The following ESRRB variants were observed in gnomAD, a reference collection of about 807,000 sequenced individuals.
The protein encoded by ESRRB is estrogen related receptor beta, also known as steroid hormone receptor ERR2.
Under a neutral mutation model 46.0 loss-of-function variants are expected in ESRRB, and 16 were observed. The observed-to-expected ratio is 0.35, with a 90% CI of 0.24 to 0.53. The LOEUF is 0.53. Among genes scored for constraint, ESRRB ranks in the 20% least tolerant of loss-of-function variants. The pLI is 0.93. For missense variants in ESRRB, 488 were observed against 607.4 expected, an observed-to-expected ratio of 0.80 and a Z score of 2.07; for synonymous variants, 246 against 259.6, an observed-to-expected ratio of 0.95 and a Z score of 0.50.
At chr14:76,437,905 T>C (rs1294792259) in intron 1 of ESRRB, among the ~76,000 whole-genome samples, 1 of 152,128 alleles carries the variant, frequency 6.6e-6, no homozygotes, top group Admixed American at 6.5e-5. Flanking sequence ...AGGGGCTTGG[T>C]TTACAGGAAA....
At chr14:76,395,888 C>T (rs1885657511) in intron 1 of ESRRB, among the ~76,000 whole-genome samples, 2 of 151,784 alleles carry the variant, frequency 1.3e-5, no homozygotes, top group African/African-American at 2.4e-5. Context: ...TAAAAAGAGG[C>T]CTTCAGCCGG....
At chr14:76,370,165 A>G (rs1446683322), upstream of ESRRB, among the ~76,000 whole-genome samples, 1 of 151,482 alleles carries the variant, frequency 6.6e-6, no homozygotes, top group Non-Finnish European at 1.5e-5. Context: ...CTAAGGATGG[A>G]TTACCTGAGG....
At chr14:76,395,430 A>T (rs922240208) in intron 1 of ESRRB, among the ~76,000 whole-genome samples, 4 of 152,130 alleles carry the variant, frequency 2.6e-5, no homozygotes, top group African/African-American at 9.7e-5. Context: ...GGCCCACACT[A>T]GAAGAACATA....
intron 1 of ESRRB, among the ~76,000 whole-genome samples, chr14:76,404,193 C>T (rs748364542): frequency 6.1e-4 from 93 of 151,762 alleles, no homozygotes; most frequent in Non-Finnish European, 9.3e-4. Context: ...TGTGTGTGTG[C>T]GCGCGTGCGT....
At chr14:76,412,899 T>A (rs987476583) in intron 1 of ESRRB, among the ~76,000 whole-genome samples, 3 of 152,160 alleles carry the variant, frequency 2.0e-5, no homozygotes, top group Admixed American at 1.3e-4. Flanking sequence ...GAGGATCACT[T>A]GAACCCAGGA....
At chr14:76,390,815 C>A (rs1885438495) in intron 1 of ESRRB, among the ~76,000 whole-genome samples, 1 of 152,050 alleles carries the variant, frequency 6.6e-6, no homozygotes, top group African/African-American at 2.4e-5. Flanking sequence ...AGCCTCCAGG[C>A]CATGAGAGGA....
chr14:76,310,994 CT>C, intron 1 of ESRRB: 1 of 425,768 alleles, frequency 2.3e-6, no homozygotes, highest in South Asian at 1.7e-5. Flanking sequence ...CTCTCTCTCT[CT>C]CTCTCTCTCT....
intron 1 of ESRRB, among the ~76,000 whole-genome samples, chr14:76,435,551 G>A (rs1036774944): frequency 6.6e-5 from 10 of 152,174 alleles, no homozygotes; most frequent in East Asian, 1.9e-4. Context: ...GAAATGAGGC[G>A]GGGTGTGGTG....
intron 1 of ESRRB, among the ~76,000 whole-genome samples, chr14:76,423,074 A>G (rs2361286): frequency 0.49 from 74,033 of 151,586 alleles, 21,146 homozygotes; most frequent in African/African-American, 0.8. Context: ...CACATTAAGT[A>G]GCTTGGGGTA....
At chr14:76,336,565 G>T (rs924493793) in intron 1 of ESRRB, among the ~76,000 whole-genome samples, 1 of 152,164 alleles carries the variant, frequency 6.6e-6, no homozygotes, top group Non-Finnish European at 1.5e-5. Context: ...TTCATGGCTG[G>T]GACCTCCTGC....
intron 3 of ESRRB, among the ~76,000 whole-genome samples, chr14:76,464,667 G>A (rs1265472712): frequency 6.6e-6 from 1 of 152,136 alleles, no homozygotes; most frequent in Admixed American, 6.5e-5. Flanking sequence ...TTAAAAATGG[G>A]CTACATCGAG....
intron 1 of ESRRB, among the ~76,000 whole-genome samples, chr14:76,401,101 G>C (rs1885923789): frequency 6.6e-6 from 1 of 152,232 alleles, no homozygotes; most frequent in South Asian, 2.1e-4. Flanking sequence ...TATTCATATG[G>C]GAGGGTTGAG....
intron 1 of ESRRB, among the ~76,000 whole-genome samples, chr14:76,422,026 C>T (rs989083711): frequency 6.6e-6 from 1 of 152,038 alleles, no homozygotes; most frequent in Non-Finnish European, 1.5e-5. Flanking sequence ...AGTCAAAATG[C>T]CCCGTCTGGA....
chr14:76,381,830 T>A (rs1294488994), intron 1 of ESRRB, among the ~76,000 whole-genome samples: 1 of 152,098 alleles, frequency 6.6e-6, no homozygotes, highest in African/African-American at 2.4e-5. Context: ...TCAATTTGTT[T>A]CTGAGAACAG....
At position 76,331,345 on chromosome 14, in the gene ESRRB, T is replaced by G. The variant is rs565898287; in HGVS notation, c.2+20429T>G. 5.3e-5 allele frequency among the ~76,000 whole-genome samples: 8 copies of G among 152,272 alleles called. No homozygotes were observed. In the South Asian group the frequency reaches 1.7e-3, roughly 32 times the overall value. ...TCCTGGCCCCATCTGTGAATTCACC[T>G]TTGTGCCTCAGTTTCCTCATCTGTA... On this transcript the variant is annotated intron_variant, in intron 1 of 6. Transcript: ENST00000512784.
At chr14:76,348,019 C>G (rs1382702298) in intron 1 of ESRRB, among the ~76,000 whole-genome samples, 1 of 152,130 alleles carries the variant, frequency 6.6e-6, no homozygotes, top group Non-Finnish European at 1.5e-5. Context: ...TAAATACCTA[C>G]CACACTTCCC....
At chr14:76,330,227 C>G (rs898575495) in intron 1 of ESRRB, among the ~76,000 whole-genome samples, 58 of 152,132 alleles carry the variant, frequency 3.8e-4, no homozygotes, top group African/African-American at 1.2e-3. Flanking sequence ...AAGGGGCTGG[C>G]TCCCGAATAA....
At chr14:76,462,111 AG>A (rs1279797590) in intron 2 of ESRRB, among the ~76,000 whole-genome samples, 6 of 152,310 alleles carry the variant, frequency 3.9e-5, no homozygotes, top group East Asian at 1.9e-4. Flanking sequence ...CAGAGTTTCC[AG>A]GAGGCTTTTC....
chr14:76,355,958 A>C (rs1884374676), intron 1 of ESRRB, among the ~76,000 whole-genome samples: 2 of 152,104 alleles, frequency 1.3e-5, no homozygotes, highest in Admixed American at 1.3e-4. Context: ...TCTTCCCCCC[A>C]ACCTTGAGGG....
Sources: allele counts gnomAD v4.1 joint callset (sites outside exome capture counted in the v4.1 genomes callset), GRCh38; gene constraint gnomAD v4.1.1; transcripts MANE v1.5; gene names NCBI Gene and HGNC (gene_info 2026-07-23, HGNC 2026-07-21).